The following STEAP1B variants were observed in gnomAD, a reference collection of about 807,000 sequenced individuals.
STEAP1B encodes the protein STEAP family protein MGC87042.
A neutral mutation model predicts 27.9 loss-of-function variants in STEAP1B; 13 were observed. That is an observed-to-expected ratio of 0.47 (90% CI 0.30 to 0.74). STEAP1B has a LOEUF of 0.74. STEAP1B is among the 30% of genes least tolerant of loss of function. STEAP1B has a pLI of 0.06. For synonymous variants in STEAP1B, 86 were observed against 107.1 expected (o/e 0.80, Z 1.22); for missense variants, 250 against 298.7 (o/e 0.84, Z 1.20).
At chr7:22,421,825 C>T (rs1481567625) in intron 4 of STEAP1B, among the ~76,000 whole-genome samples, 1 of 152,176 alleles carries the variant, frequency 6.6e-6, no homozygotes, top group Non-Finnish European at 1.5e-5. Flanking sequence ...ACCAGAAACT[C>T]ATTAGGTACT....
At position 22,493,340 on chromosome 7, in the gene STEAP1B, T is replaced by A. The variant is rs767913717; in HGVS notation, c.581A>T (p.Asn194Ile). ...TCATCTCACCTGTTGATATGCCCAG[T>A]TTAGCAACTTGTATCTGTAGGATCG... is the stretch of plus-strand genomic sequence containing the variant. ...MRRSYRYKLL[N>I]WAYQQVQQNK... is the part of the protein sequence containing the mutation. Residue 194 changes from asparagine to isoleucine, a missense_variant, in exon 3 of 5, where the codon AAC becomes ATC. By Grantham distance (149) the Asn-to-Ile change is moderately radical. Transcript: ENST00000678116. The A allele has an allele frequency of 6.2e-7, 1 of 1,612,720 alleles. No homozygotes were observed. The highest frequency in any genetic ancestry group is 8.5e-7 in the Non-Finnish European group (1 of 1,178,816).
chr7:22,446,249 A>C (rs1785407798), intron 4 of STEAP1B, among the ~76,000 whole-genome samples: 1 of 152,254 alleles, frequency 6.6e-6, no homozygotes, highest in Admixed American at 6.5e-5. Context: ...CTACCCTCTG[A>C]GATCTGATCC....
At position 22,492,864 on chromosome 7, in the gene STEAP1B, T is replaced by C. The variant is rs1309756564; in HGVS notation, c.598-135A>G. The C allele has an allele frequency of 1.9e-5, 26 of 1,367,382 alleles. No individual in the cohort carries two copies. The South Asian group carries it at 4.6e-4, about 24-fold the overall frequency. The allele number at this position is 1,367,382 out of a possible 1,614,324, so 84.7% of individuals were successfully genotyped here. A position where few individuals can be genotyped will look rare whatever the true frequency, so the allele number is the denominator to read the frequency against. The stretch of plus-strand genomic sequence containing the variant: ...TCTCCACAAATTTATGACTTTTTCT[T>C]TTTTTTTTGCATTCCTCTAAGACAA... On this transcript the variant is annotated intron_variant, in intron 3 of 4. Coordinates refer to ENST00000678116, the MANE Select transcript of STEAP1B (RefSeq NM_001382447.1).
intron 4 of STEAP1B, among the ~76,000 whole-genome samples, chr7:22,477,949 G>C (rs1786000696): frequency 6.6e-6 from 1 of 152,138 alleles, no homozygotes; most frequent in African/African-American, 2.4e-5. Flanking sequence ...AAAAACATAG[G>C]GAAAAACACA....
chr7:22,461,495 T>A (rs926068045), intron 4 of STEAP1B, among the ~76,000 whole-genome samples: 42 of 152,146 alleles, frequency 2.8e-4, no homozygotes, highest in African/African-American at 9.9e-4. Context: ...ACTCCTGACC[T>A]CAGGTGATCT....
intron 4 of STEAP1B, among the ~76,000 whole-genome samples, chr7:22,461,851 T>A (rs1328720512): frequency 6.6e-6 from 1 of 152,212 alleles, no homozygotes. Flanking sequence ...GTGTGTTAAG[T>A]CGTTGGAACC....
chr7:22,430,706 T>C (rs939862), intron 4 of STEAP1B, among the ~76,000 whole-genome samples: 150,548 of 152,344 alleles, frequency 0.99, 74,417 homozygotes, highest in East Asian at 1. Flanking sequence ...TCTCAAGGAA[T>C]GTGAAGAAAG....
rs184020191 is a variant in STEAP1B, at chr7:22,437,208, C to A, written c.763-17372G>T. Among the ~76,000 whole-genome samples the A allele has an allele frequency of 8.7e-3, 1,327 of 152,310 alleles. 11 individuals carry two copies. Among genetic ancestry groups the A allele is most frequent in the African/African-American group, 0.03 (1,255 of 41,574 alleles). On this transcript the variant is annotated intron_variant, in intron 4 of 4. Coordinates refer to ENST00000678116, the MANE Select transcript of STEAP1B (RefSeq NM_001382447.1). ...CACTGTGCTGTACAAATCCCTAGAA[C>A]CTATTCATCTCGCATAACTGAAACT...
chr7:22,420,635 A>AT (rs1276306532), intron 4 of STEAP1B, among the ~76,000 whole-genome samples: 1 of 152,106 alleles, frequency 6.6e-6, no homozygotes, highest in Non-Finnish European at 1.5e-5. Flanking sequence ...CATAAGATTG[A>AT]TTTTTCCTTC....
intron 4 of STEAP1B, among the ~76,000 whole-genome samples, chr7:22,473,876 A>C (rs1487999329): frequency 6.6e-6 from 1 of 152,170 alleles, no homozygotes; most frequent in Non-Finnish European, 1.5e-5. Context: ...GCAGGAAAGT[A>C]AAGTCCCGTT....
At chr7:22,427,084 G>A (rs1785118264) in intron 4 of STEAP1B, among the ~76,000 whole-genome samples, 2 of 152,218 alleles carry the variant, frequency 1.3e-5, no homozygotes, top group East Asian at 1.9e-4. Context: ...AAAGAAGAGG[G>A]AGAAGAGAGG....
At chr7:22,466,807 T>C (rs950986713) in intron 4 of STEAP1B, among the ~76,000 whole-genome samples, 48 of 152,162 alleles carry the variant, frequency 3.2e-4, no homozygotes, top group African/African-American at 1.1e-3. Context: ...CTGTGCAGTG[T>C]GGTTGTTAAA....
chr7:22,430,364 T>C (rs79801346), intron 4 of STEAP1B, among the ~76,000 whole-genome samples: 5,084 of 152,268 alleles, frequency 0.033, 279 homozygotes, highest in African/African-American at 0.12. Flanking sequence ...ATGGAACTAA[T>C]AGAACAACTA....
intron 4 of STEAP1B, among the ~76,000 whole-genome samples, chr7:22,466,609 A>G (rs1271780595): frequency 6.6e-6 from 1 of 152,146 alleles, no homozygotes; most frequent in African/African-American, 2.4e-5. Context: ...CTGTTAAGCC[A>G]CCCAGTCTGG....
chr7:22,471,986 A>T (rs905719651), intron 4 of STEAP1B, among the ~76,000 whole-genome samples: 1 of 151,874 alleles, frequency 6.6e-6, no homozygotes, highest in Non-Finnish European at 1.5e-5. Flanking sequence ...TGGCTATTGG[A>T]AGAATAGGTT....
At chr7:22,487,734 G>A (rs1410603387) in intron 4 of STEAP1B, among the ~76,000 whole-genome samples, 4 of 150,252 alleles carry the variant, frequency 2.7e-5, no homozygotes, top group African/African-American at 9.8e-5. Flanking sequence ...GAACCTGGGA[G>A]GCGGAGGTTA....
At chr7:22,489,532 T>C (rs2128416594) in intron 4 of STEAP1B, among the ~76,000 whole-genome samples, 1 of 152,272 alleles carries the variant, frequency 6.6e-6, no homozygotes, top group Non-Finnish European at 1.5e-5. Flanking sequence ...GTCATCAGGG[T>C]GTGCCCCAAG....
intron 4 of STEAP1B, among the ~76,000 whole-genome samples, chr7:22,464,107 T>C (rs1785729479): frequency 6.6e-6 from 1 of 152,270 alleles, no homozygotes; most frequent in Non-Finnish European, 1.5e-5. Flanking sequence ...CTCTTTTCTC[T>C]TTTTAATTCA....
At chr7:22,427,355 G>A (rs2128399176) in intron 4 of STEAP1B, among the ~76,000 whole-genome samples, 1 of 152,318 alleles carries the variant, frequency 6.6e-6, no homozygotes, top group South Asian at 2.1e-4. Context: ...GGCCTAACTG[G>A]AAGGGCCAAA....
Sources: allele counts gnomAD v4.1 joint callset (sites outside exome capture counted in the v4.1 genomes callset), GRCh38; gene constraint gnomAD v4.1.1; transcripts MANE v1.5; gene names NCBI Gene and HGNC (gene_info 2026-07-23, HGNC 2026-07-21).